The following SOX5 variants were observed in gnomAD, a reference collection of about 807,000 sequenced individuals.
SOX5 encodes the protein transcription factor SOX-5.
A neutral mutation model predicts 92.0 loss-of-function variants in SOX5; 9 were observed. That is an observed-to-expected ratio of 0.10 (90% CI 0.06 to 0.17). The LOEUF (loss-of-function observed/expected upper bound fraction) is 0.17, where lower values mean the gene tolerates loss of function less well. Among genes scored for constraint, SOX5 ranks in the 10% least tolerant of loss-of-function variants. The pLI, the probability that SOX5 is intolerant of heterozygous loss-of-function variation, is 1.00. For synonymous variants in SOX5, 344 were observed against 336.3 expected, an observed-to-expected ratio of 1.02 and a Z score of -0.25; for missense variants, 642 against 944.5, an observed-to-expected ratio of 0.68 and a Z score of 4.20.
intron 3 of SOX5, among the ~76,000 whole-genome samples, chr12:23,815,381 T>C (rs1013334336): frequency 2.0e-5 from 3 of 152,316 alleles, no homozygotes; most frequent in Middle Eastern, 3.4e-3. Context: ...AGATCTTCTA[T>C]TCCGATGTAC....
rs561966412 is a variant in SOX5 at position 24,165,330 on chromosome 12, C to T, written c.-2+48013G>A. ...ACACACAGTTCCTGCCCTGAAGATG[C>T]TTAAAACTGAAGGATTATTTATTTG... On this transcript the variant is annotated intron_variant, in intron 4 of 4. Transcript: ENST00000446891. Among the ~76,000 whole-genome samples, 204 of 152,172 alleles carry T rather than the reference C, an allele frequency of 1.3e-3. 2 individuals are homozygous for T. Among genetic ancestry groups the T allele is most frequent in the African/African-American group, 4.6e-3 (193 of 41,536 alleles).
At chr12:23,915,916 C>A (rs1328313404) in intron 1 of SOX5, among the ~76,000 whole-genome samples, 1 of 152,100 alleles carries the variant, frequency 6.6e-6, no homozygotes, top group Non-Finnish European at 1.5e-5. Context: ...ATGTGGGACA[C>A]AGGTGCATTG....
intron 4 of SOX5, among the ~76,000 whole-genome samples, chr12:24,168,523 G>C (rs1193481326): frequency 6.6e-6 from 1 of 152,010 alleles, no homozygotes; most frequent in Non-Finnish European, 1.5e-5. Context: ...TATTTTAGAG[G>C]ATGGTTTCAA....
chr12:24,062,576 A>T (rs1254946956), intron 4 of SOX5, among the ~76,000 whole-genome samples: 1 of 152,218 alleles, frequency 6.6e-6, no homozygotes, highest in African/African-American at 2.4e-5. Flanking sequence ...CCTCTGTAGG[A>T]AAAAGAGCTA....
rs368144461 is a variant in SOX5 at position 24,097,575 on chromosome 12, A to G, written c.-2+115768T>C. Reference sequence around the variant, plus strand: ...ATGGTGTAAGGTAAGGGTCATCTTCATTCTTTTGGATGTGAATAGCCATTT... The same window carrying G: ...ATGGTGTAAGGTAAGGGTCATCTTCGTTCTTTTGGATGTGAATAGCCATTT... On this transcript the variant is annotated intron_variant, in intron 4 of 4. Transcript: ENST00000446891. Among the ~76,000 whole-genome samples, 71 of 150,880 alleles carry G rather than the reference A, an allele frequency of 4.7e-4. 1 individual carries two copies. The South Asian group carries it at 0.014, about 29-fold the overall frequency.
At chr12:24,119,136 C>G (rs74488632) in intron 4 of SOX5, among the ~76,000 whole-genome samples, 18,091 of 151,966 alleles carry the variant, frequency 0.12, 1,344 homozygotes, top group Admixed American at 0.18. Context: ...AGACACTAAA[C>G]AAGCATTAGG....
intron 2 of SOX5, among the ~76,000 whole-genome samples, chr12:23,891,906 C>T (rs540440315): frequency 1.3e-5 from 2 of 152,168 alleles, no homozygotes; most frequent in East Asian, 3.9e-4. Context: ...GTAGATTCTA[C>T]TTTAGTTCTA....
intron 7 of SOX5, among the ~76,000 whole-genome samples, chr12:23,648,691 G>A (rs576159478): frequency 6.6e-6 from 1 of 152,070 alleles, no homozygotes. Flanking sequence ...CAGCTATACA[G>A]CATACAGAGC....
intron 4 of SOX5, among the ~76,000 whole-genome samples, chr12:24,132,229 CAATTAAACA>C (rs1259867166): frequency 6.6e-6 from 1 of 152,084 alleles, no homozygotes; most frequent in African/African-American, 2.4e-5. Context: ...AAGTAGCTCT[CAATTAAACA>C]AATTAAACAG....
chr12:24,100,989 C>A lies in SOX5; in HGVS notation c.-2+112354G>T, dbSNP rs370998443. On this transcript the variant is annotated intron_variant, in intron 4 of 4. Transcript: ENST00000446891. ...ATTACCATCTCAGTCCACAATTTAT[C>A]AATTCTATTGCAATAACCTCCTATC... is the stretch of plus-strand genomic sequence containing the variant. Among the ~76,000 whole-genome samples, 68 of 152,214 alleles carry A rather than the reference C, an allele frequency of 4.5e-4. 1 individual carries two copies. In the South Asian group the frequency reaches 0.013, roughly 29 times the overall value.
intron 4 of SOX5, among the ~76,000 whole-genome samples, chr12:24,208,109 C>T (rs1464937490): frequency 6.6e-6 from 1 of 152,172 alleles, no homozygotes; most frequent in African/African-American, 2.4e-5. Context: ...TGGATTCCAT[C>T]TTCAGATTTC....
chr12:24,544,146 T>C (rs761228425), intron 1 of SOX5, among the ~76,000 whole-genome samples: 1 of 152,180 alleles, frequency 6.6e-6, no homozygotes, highest in Admixed American at 6.5e-5. Flanking sequence ...GAGAACATAA[T>C]TGAAATGGAT....
intron 4 of SOX5, among the ~76,000 whole-genome samples, chr12:24,043,348 A>C (rs931654170): frequency 1.3e-5 from 2 of 152,204 alleles, no homozygotes; most frequent in Non-Finnish European, 2.9e-5. Flanking sequence ...AAAAAACAAA[A>C]TATCTGAATT....
At chr12:24,289,996 G>A (rs1028612764) in intron 2 of SOX5, among the ~76,000 whole-genome samples, 2 of 152,114 alleles carry the variant, frequency 1.3e-5, no homozygotes, top group African/African-American at 4.8e-5. Context: ...TCAGAAAACC[G>A]GTACAAACGC....
intron 4 of SOX5, among the ~76,000 whole-genome samples, chr12:24,054,042 G>A (rs1390371439): frequency 6.6e-6 from 1 of 152,182 alleles, no homozygotes; most frequent in Non-Finnish European, 1.5e-5. Flanking sequence ...CACTGTCATT[G>A]TGCGTCAAGA....
At chr12:23,616,279 T>C (rs112948592) in intron 8 of SOX5, among the ~76,000 whole-genome samples, 4 of 152,326 alleles carry the variant, frequency 2.6e-5, no homozygotes, top group African/African-American at 9.6e-5. Context: ...AGAGAATAGA[T>C]GGAAAGAATT....
intron 12 of SOX5, among the ~76,000 whole-genome samples, chr12:23,545,444 T>C (rs1381371783): frequency 6.6e-6 from 1 of 152,182 alleles, no homozygotes; most frequent in Admixed American, 6.6e-5. Context: ...AGTATCAATT[T>C]AATTTCTTCT....
chr12:23,822,645 CA>C (rs1454742864), intron 3 of SOX5, among the ~76,000 whole-genome samples: 3 of 152,082 alleles, frequency 2.0e-5, no homozygotes, highest in African/African-American at 7.2e-5. Flanking sequence ...CTGCTTGGTC[CA>C]GAGCTAAGTT....
At chr12:24,383,205 A>T (rs1958009542) in intron 1 of SOX5, among the ~76,000 whole-genome samples, 1 of 152,160 alleles carries the variant, frequency 6.6e-6, no homozygotes, top group African/African-American at 2.4e-5. Context: ...GGTGTGAACC[A>T]CCCCGCCTGG....
Sources: allele counts gnomAD v4.1 joint callset (sites outside exome capture counted in the v4.1 genomes callset), GRCh38; gene constraint gnomAD v4.1.1; transcripts MANE v1.5; gene names NCBI Gene and HGNC (gene_info 2026-07-23, HGNC 2026-07-21).